Variants in CASP4 observed in about 807,000 individuals in gnomAD.
The protein encoded by CASP4 is caspase 4.
A neutral mutation model predicts 41.3 loss-of-function variants in CASP4; 29 were observed. The ratio of observed to expected loss-of-function variants is 0.70; its 90% confidence interval spans 0.52 to 0.96. The LOEUF (loss-of-function observed/expected upper bound fraction) is 0.96. Among genes scored for constraint, CASP4 ranks in the 40% least tolerant of loss-of-function variants. The pLI is 0.00. For synonymous variants in CASP4, 185 were observed against 158.4 expected, an observed-to-expected ratio of 1.17 and a Z score of -1.26; for missense variants, 447 against 460.6, an observed-to-expected ratio of 0.97 and a Z score of 0.27.
In CASP4 at chr11:104,943,716, G is replaced by A. The variant is rs945265365; in HGVS notation, c.*6-743C>T. 2.0e-5 allele frequency: 3 copies of A among 152,316 alleles called. No homozygotes were observed. In the South Asian group the frequency reaches 6.2e-4, roughly 32 times the overall value. 9.4% of individuals were successfully genotyped at this position (152,316 alleles called of 1,614,324 possible). On this transcript the variant is annotated intron_variant, in intron 8 of 8. Transcript: ENST00000444739. Reference sequence around the variant, plus strand: ...TAGAACAAAACCTGGTGCACAGTTAGTGTTGGCAAATATTAGTCAACAAAC... The same window carrying A: ...TAGAACAAAACCTGGTGCACAGTTAATGTTGGCAAATATTAGTCAACAAAC...
intron 1 of CASP4, among the ~76,000 whole-genome samples, chr11:104,963,748 C>T (rs187962570): frequency 1.3e-5 from 2 of 152,266 alleles, no homozygotes; most frequent in Admixed American, 6.5e-5. Flanking sequence ...TTTAGGTTGC[C>T]TTGCAATAAA....
At chr11:104,965,063 T>C (rs1223117369) in intron 1 of CASP4, among the ~76,000 whole-genome samples, 2 of 152,176 alleles carry the variant, frequency 1.3e-5, no homozygotes, top group Non-Finnish European at 2.9e-5. Context: ...AAAGAAAACA[T>C]ATAATATACC....
chr11:104,956,673 A>T, intron 1 of CASP4: 3 of 984,424 alleles, frequency 3.0e-6, no homozygotes, highest in Non-Finnish European at 3.6e-6. Context: ...AGTGCATTCC[A>T]ACAGGTGAGA....
In CASP4 at chr11:104,954,827, A is replaced by G. The variant is rs766625268; in HGVS notation, c.182T>C (p.Met61Thr). The G allele has an allele frequency of 6.2e-7, 1 of 1,613,844 alleles. No individual in the cohort carries two copies. Among genetic ancestry groups the G allele is most frequent in the Admixed American group, 1.7e-5 (1 of 59,966 alleles). Reference sequence around the variant, plus strand: ...TCCTGCCATACGTTGCTTCTCTTGCATAGAGTCTGCCATGACCCGAACTTT... The same window carrying G: ...TCCTGCCATACGTTGCTTCTCTTGCGTAGAGTCTGCCATGACCCGAACTTT... ...EDKVRVMADS[M>T]QEKQRMAGQM... Residue 61 changes from methionine (M) to threonine (T), a missense_variant, in exon 2 of 9, where the codon ATG (methionine) becomes ACG (threonine). By Grantham distance (81) the Met-to-Thr change is moderately conservative (BLOSUM62 -1). Coordinates refer to ENST00000444739, the MANE Select transcript of CASP4 (RefSeq NM_001225.4).
At chr11:104,958,965 A>C in intron 1 of CASP4, among the ~76,000 whole-genome samples, 1 of 105,212 alleles carries the variant, frequency 9.5e-6, no homozygotes, top group African/African-American at 4.8e-5. Context: ...TGTCTCAAAA[A>C]AAAAAAAAAA....
chr11:104,952,313 A>G (rs1024851666), intron 2 of CASP4, among the ~76,000 whole-genome samples: 1 of 152,118 alleles, frequency 6.6e-6, no homozygotes, highest in Admixed American at 6.6e-5. Flanking sequence ...GTTTTACTCC[A>G]GGATACTCAT....
At chr11:104,946,565 T>A (rs1476430221) in intron 7 of CASP4, 2 of 152,236 alleles carry the variant, frequency 1.3e-5, no homozygotes, top group Non-Finnish European at 2.9e-5. Flanking sequence ...CTTCTGCACT[T>A]TTTTATTGAA....
intron 7 of CASP4, among the ~76,000 whole-genome samples, chr11:104,945,389 G>C (rs562157277): frequency 3.3e-5 from 5 of 151,874 alleles, no homozygotes; most frequent in African/African-American, 1.2e-4. Context: ...AGTAGCTGAG[G>C]TTACAGGTGC....
intron 1 of CASP4, among the ~76,000 whole-genome samples, chr11:104,955,798 G>A (rs187251023): frequency 8.6e-5 from 13 of 151,970 alleles, no homozygotes; most frequent in Admixed American, 4.6e-4. Context: ...ATATGATTTC[G>A]GCAGATTGTA....
intron 6 of CASP4, 114 bp downstream of exon 6, chr11:104,948,419 A>C (rs1860515735): frequency 1.9e-6 from 2 of 1,049,506 alleles, no homozygotes; most frequent in Non-Finnish European, 2.6e-6. Context: ...AAATATGTGG[A>C]GAGCACACAA....
At chr11:104,959,169 A>T (rs1860805115) in intron 1 of CASP4, among the ~76,000 whole-genome samples, 1 of 152,098 alleles carries the variant, frequency 6.6e-6, no homozygotes, top group Non-Finnish European at 1.5e-5. Flanking sequence ...AATAGCCAAG[A>T]TATAAAATCA....
chr11:104,961,624 A>T (rs952565914), intron 1 of CASP4, among the ~76,000 whole-genome samples: 1 of 152,134 alleles, frequency 6.6e-6, no homozygotes, highest in Non-Finnish European at 1.5e-5. Flanking sequence ...GGTTCACGAG[A>T]CTTGTCCTCA....
intron 2 of CASP4, among the ~76,000 whole-genome samples, chr11:104,954,205 A>C (rs1315620978): frequency 2.0e-5 from 3 of 152,174 alleles, no homozygotes; most frequent in African/African-American, 7.2e-5. Flanking sequence ...TTGTATTGTG[A>C]TGCCAGCAAA....
chr11:104,962,815 T>C (rs1049787700), intron 1 of CASP4, among the ~76,000 whole-genome samples: 30 of 152,218 alleles, frequency 2.0e-4, no homozygotes, highest in African/African-American at 7.2e-4. Context: ...CCTTTTGACA[T>C]AGAGGCTCAG....
At position 104,948,693 on chromosome 11, in the gene CASP4, T is replaced by G. The variant is rs753612228; in HGVS notation, c.782-17A>C. 6.4e-7 allele frequency: 1 copy of G among 1,574,548 alleles called. No homozygotes were observed. Among genetic ancestry groups the G allele is most frequent in the Non-Finnish European group, 8.7e-7 (1 of 1,154,130 alleles). ...CACGGTTTGCTATGGAGACATTAACTTTCTGCACACTGCTGTGCCTCCCAC... is the reference window on the plus strand; with the variant it reads ...CACGGTTTGCTATGGAGACATTAACGTTCTGCACACTGCTGTGCCTCCCAC... On this transcript the variant is annotated splice_polypyrimidine_tract_variant and intron_variant, in intron 5 of 8. Coordinates refer to ENST00000444739, the MANE Select transcript of CASP4 (RefSeq NM_001225.4).
chr11:104,959,283 A>G (rs1860807162), intron 1 of CASP4, among the ~76,000 whole-genome samples: 1 of 152,206 alleles, frequency 6.6e-6, no homozygotes, highest in African/African-American at 2.4e-5. Context: ...ATCGTTTCTG[A>G]CAATATTGAT....
chr11:104,961,073 T>C (rs1860847458), intron 1 of CASP4, among the ~76,000 whole-genome samples: 1 of 152,246 alleles, frequency 6.6e-6, no homozygotes, highest in Non-Finnish European at 1.5e-5. Flanking sequence ...GGGAAAGCCT[T>C]TGTGGCTACC....
chr11:104,968,247 C>A (rs1283292791), intron 1 of CASP4, among the ~76,000 whole-genome samples: 1 of 152,196 alleles, frequency 6.6e-6, no homozygotes, highest in Non-Finnish European at 1.5e-5. Context: ...ACACAAATAA[C>A]TTCCTCTGGC....
At chr11:104,950,865 A>G (rs1470803281) in intron 4 of CASP4, 60 bp downstream of exon 4, 1 of 1,494,174 alleles carries the variant, frequency 6.7e-7, no homozygotes, top group African/African-American at 1.4e-5. Context: ...GAAGCTAGGT[A>G]GTTATTAGAA....
Sources: gnomAD v4.1 joint callset for allele counts (sites outside exome capture counted in the v4.1 genomes callset) on GRCh38, gnomAD v4.1.1 for gene constraint, MANE v1.5 for transcripts, NCBI Gene and HGNC (gene_info 2026-07-23, HGNC 2026-07-21) for gene names.